ZNF609: variants seen among roughly 807,000 people sequenced by gnomAD.
ZNF609 encodes the protein zinc finger protein 609.
ZNF609 carries 11 observed loss-of-function variants against 109.5 expected under a neutral mutation model. The observed-to-expected ratio is 0.10, with a 90% CI of 0.06 to 0.17. ZNF609 has a LOEUF of 0.17. Among genes scored for constraint, ZNF609 ranks in the 10% least tolerant of loss-of-function variants. ZNF609 has a pLI of 1.00. For missense variants in ZNF609, 1,559 were observed against 1,772.4 expected (o/e 0.88, Z 2.16); for synonymous variants, 646 against 662.0 (o/e 0.98, Z 0.37).
chr15:64,517,966 A>G (rs1187883439), intron 2 of ZNF609, among the ~76,000 whole-genome samples: 1 of 151,696 alleles, frequency 6.6e-6, no homozygotes, highest in Non-Finnish European at 1.5e-5. Flanking sequence ...TTTTGTCGAG[A>G]CAGGGTTTCA....
At chr15:64,544,108 G>T (rs1894316787) in intron 2 of ZNF609, among the ~76,000 whole-genome samples, 1 of 152,232 alleles carries the variant, frequency 6.6e-6, no homozygotes, top group Admixed American at 6.5e-5. Context: ...GGAGGCCAAG[G>T]ACGGCGGATC....
intron 2 of ZNF609, among the ~76,000 whole-genome samples, chr15:64,515,672 C>T (rs1893795444): frequency 6.6e-6 from 1 of 152,098 alleles, no homozygotes; most frequent in African/African-American, 2.4e-5. Context: ...CGCAGTGGCT[C>T]ACATCTGTAA....
chr15:64,635,041 C>G (rs1351431338), intron 3 of ZNF609, among the ~76,000 whole-genome samples: 1 of 152,152 alleles, frequency 6.6e-6, no homozygotes, highest in Non-Finnish European at 1.5e-5. Context: ...AAATTTCAGT[C>G]ACCGGCTTTT....
At position 64,592,651 on chromosome 15, in the gene ZNF609, C is replaced by T. The variant is rs958215578; in HGVS notation, c.748-30176C>T. Among the ~76,000 whole-genome samples, 4 of 151,482 alleles carry T rather than the reference C, an allele frequency of 2.6e-5. No homozygotes were observed. The East Asian group carries it at 5.8e-4, about 22-fold the overall frequency. On this transcript the variant is annotated intron_variant, in intron 2 of 9. Coordinates refer to ENST00000326648, the MANE Select transcript of ZNF609 (RefSeq NM_015042.2). ...TAAGTTGGCCAGGCATGGTGGTTCA[C>T]GAGGCCCGCAATCCCAGCATTCTGG...
At chr15:64,619,672 G>A (rs768312383) in intron 2 of ZNF609, among the ~76,000 whole-genome samples, 2 of 152,186 alleles carry the variant, frequency 1.3e-5, no homozygotes, top group South Asian at 2.1e-4. Flanking sequence ...GCCAAACTCT[G>A]CCTAGTAACT....
chr15:64,647,078 T>C (rs1417882161), intron 3 of ZNF609, among the ~76,000 whole-genome samples: 2 of 151,910 alleles, frequency 1.3e-5, no homozygotes, highest in African/African-American at 2.4e-5. Flanking sequence ...GGTGGATTGC[T>C]TGAGCTGTGA....
chr15:64,517,005 A>G (rs928018202), intron 2 of ZNF609, among the ~76,000 whole-genome samples: 4 of 152,112 alleles, frequency 2.6e-5, no homozygotes, highest in Non-Finnish European at 4.4e-5. Context: ...TTACTTGATA[A>G]TGTTTGTCTG....
intron 4 of ZNF609, among the ~76,000 whole-genome samples, 180 bp downstream of exon 4, chr15:64,670,613 T>C (rs1204816212): frequency 6.6e-6 from 1 of 152,186 alleles, no homozygotes; most frequent in Non-Finnish European, 1.5e-5. Context: ...GCGCGGTGGC[T>C]CACGCCTGTA....
intron 5 of ZNF609, among the ~76,000 whole-genome samples, 179 bp downstream of exon 5, chr15:64,676,435 T>G (rs1191850706): frequency 1.3e-5 from 2 of 149,622 alleles, no homozygotes; most frequent in Non-Finnish European, 3.0e-5. Flanking sequence ...TATTTTAGTA[T>G]TATTATTTTT....
chr15:64,609,063 T>TC (rs1491283446), intron 2 of ZNF609, among the ~76,000 whole-genome samples: 14 of 144,226 alleles, frequency 9.7e-5, no homozygotes, highest in South Asian at 9.0e-4. Context: ...TTAGTTTTAA[T>TC]TTTTCTTTCT....
intron 2 of ZNF609, among the ~76,000 whole-genome samples, chr15:64,510,038 TAA>T (rs1893697648): frequency 6.6e-6 from 1 of 152,182 alleles, no homozygotes; most frequent in African/African-American, 2.4e-5. Flanking sequence ...AATAAATCAC[TAA>T]GTTTTAAACA....
rs772403027 is a variant in ZNF609, at chr15:64,676,012, C to G, written c.3158C>G (p.Ala1053Gly). 4 of 1,614,214 alleles carry G rather than the reference C, an allele frequency of 2.5e-6. No individual in the cohort carries two copies. The Admixed American group carries it at 5.0e-5, about 20-fold the overall frequency. The change falls in exon 5 of 10, where the codon GCC becomes GGC. Residue 1053 changes from alanine to glycine, a missense_variant. Physicochemically the swap from Ala to Gly is moderately conservative, Grantham distance 60 (BLOSUM62 0). Transcript: ENST00000326648. ...TCAATTCCACCAACTCTCACCAAGG[C>G]CCCCAGCCTGACAGACCTGGTGAAA... ...KPSIPPTLTKAPSLTDLVKSG... is the reference protein window; with the variant it reads ...KPSIPPTLTKGPSLTDLVKSG...
At chr15:64,532,357 C>G (rs541747212) in intron 2 of ZNF609, among the ~76,000 whole-genome samples, 1 of 152,280 alleles carries the variant, frequency 6.6e-6, no homozygotes, top group African/African-American at 2.4e-5. Context: ...AGAATGTAAA[C>G]TCTACCAAGG....
At chr15:64,514,031 G>A (rs768556833) in intron 2 of ZNF609, among the ~76,000 whole-genome samples, 2 of 150,980 alleles carry the variant, frequency 1.3e-5, no homozygotes, top group Non-Finnish European at 2.9e-5. Flanking sequence ...GGTCGAGGCT[G>A]CAGTGAACCA....
chr15:64,514,289 A>G (rs1297242957), intron 2 of ZNF609, among the ~76,000 whole-genome samples: 1 of 152,222 alleles, frequency 6.6e-6, no homozygotes, highest in Non-Finnish European at 1.5e-5. Context: ...TTTTATGACA[A>G]TAGAGCAAAT....
chr15:64,499,651 G>T lies in ZNF609; in HGVS notation c.232G>T (p.Val78Leu). 6.2e-7 allele frequency: 1 copy of T among 1,614,174 alleles called. No individual in the cohort carries two copies. The highest frequency in any genetic ancestry group is 8.5e-7 in the Non-Finnish European group (1 of 1,180,038). Reference protein sequence around the residue: ...LPDNIKFVTPVPGPQGKEGKS... With the variant: ...LPDNIKFVTPLPGPQGKEGKS... ...AGACAACATCAAGTTTGTGACCCCA[G>T]TGCCAGGTCCTCAAGGGAAGGAAGG... Residue 78 changes from valine to leucine, a missense_variant, in exon 2 of 10, where the codon GTG becomes TTG. Physicochemically the swap from Val to Leu is conservative, Grantham distance 32. Around this residue, in one of 4 missense-constraint regions of ZNF609, gnomAD observed 291 missense variants for 317.8 expected, o/e 0.92. Transcript: ENST00000326648.
At chr15:64,624,098 T>C (rs1306132274) in intron 3 of ZNF609, among the ~76,000 whole-genome samples, 2 of 152,224 alleles carry the variant, frequency 1.3e-5, no homozygotes, top group African/African-American at 4.8e-5. Context: ...TTATTTAAAG[T>C]TTACCGTGCA....
intron 2 of ZNF609, among the ~76,000 whole-genome samples, chr15:64,521,310 T>C (rs1429589696): frequency 6.6e-6 from 1 of 152,192 alleles, no homozygotes; most frequent in Admixed American, 6.5e-5. Flanking sequence ...TCATCCTGGC[T>C]CCAGAGTTGG....
intron 2 of ZNF609, among the ~76,000 whole-genome samples, chr15:64,614,567 T>C (rs1439224639): frequency 1.3e-5 from 2 of 152,024 alleles, no homozygotes; most frequent in African/African-American, 4.8e-5. Flanking sequence ...ATAAATAACT[T>C]AATAAATAGA....
Sources: gnomAD v4.1 joint callset for allele counts (sites outside exome capture counted in the v4.1 genomes callset) on GRCh38, gnomAD v4.1.1 for gene constraint, gnomAD v4.1.1 regional missense constraint, MANE v1.5 for transcripts, NCBI Gene and HGNC (gene_info 2026-07-23, HGNC 2026-07-21) for gene names.